FBXO31: variants seen among roughly 807,000 people sequenced by gnomAD.
FBXO31 encodes the protein F-box protein 31, also known as F-box only protein 31.
FBXO31 carries 24 observed loss-of-function variants against 54.4 expected under a neutral mutation model. The observed-to-expected ratio is 0.44, with a 90% CI of 0.32 to 0.62. FBXO31 has a LOEUF of 0.62. FBXO31 is among the 20% of genes least tolerant of loss of function. The pLI is 0.05. For missense variants in FBXO31, 665 were observed against 787.1 expected (o/e 0.84, Z 1.86); for synonymous variants, 388 against 335.6 (o/e 1.16, Z -1.71).
chr16:87,383,722 C>G lies in FBXO31; in HGVS notation c.23G>C (p.Cys8Ser). The G allele has an allele frequency of 8.0e-7, 1 of 1,249,166 alleles. No individual in the cohort carries two copies. Among genetic ancestry groups the G allele is most frequent in the Non-Finnish European group, 1.0e-6 (1 of 1,002,420 alleles). 77.4% of individuals were successfully genotyped at this position (1,249,166 alleles called of 1,614,324 possible). Residue 8 changes from cysteine to serine, a missense_variant, in exon 1 of 9, where the codon TGC becomes TCC. Transcript: ENST00000311635. This position sits in a 1 kb window ranked among gnomAD's most constrained non-coding sequence, Gnocchi z 4.9. MAVCARL[C>S]GVGPSRGCRR... Reference sequence around the variant, plus strand: ...ACATCCGCGCGACGGGCCCACGCCGCAAAGGCGAGCACACACCGCCATGCC... The same window carrying G: ...ACATCCGCGCGACGGGCCCACGCCGGAAAGGCGAGCACACACCGCCATGCC...
chr16:87,362,829 T>A (rs1204315242), intron 1 of FBXO31, among the ~76,000 whole-genome samples: 2 of 152,212 alleles, frequency 1.3e-5, no homozygotes, highest in African/African-American at 4.8e-5. Flanking sequence ...AGTGCTGGGA[T>A]TACAGGCGTG....
intron 1 of FBXO31, among the ~76,000 whole-genome samples, chr16:87,360,961 A>C (rs1455323594): frequency 1.3e-5 from 2 of 152,026 alleles, no homozygotes; most frequent in African/African-American, 4.8e-5. Context: ...TGCTGACAGC[A>C]CCTTCCTCTT....
chr16:87,332,408 T>G (rs1904890240), intron 8 of FBXO31, among the ~76,000 whole-genome samples: 1 of 152,242 alleles, frequency 6.6e-6, no homozygotes, highest in Admixed American at 6.5e-5. Context: ...GGTCAGTGGC[T>G]GCAGCACGTG....
upstream of FBXO31, among the ~76,000 whole-genome samples, chr16:87,384,895 CTGGGCGCGGTGGCTCACGT>C (rs542654907): frequency 0.011 from 1,653 of 152,278 alleles, 28 homozygotes; most frequent in African/African-American, 0.036. Context: ...CCACAAATGG[CTGGGCGCGGTGGCTCACGT>C]CTGTAATCCC....
At chr16:87,388,218 C>G (rs1907393297), upstream of FBXO31, among the ~76,000 whole-genome samples, 2 of 152,240 alleles carry the variant, frequency 1.3e-5, no homozygotes, top group Admixed American at 1.3e-4. Context: ...TGAAGCTGAA[C>G]AGGCCAGACT....
intron 5 of FBXO31, 102 bp downstream of exon 5, chr16:87,342,775 G>C: frequency 1.1e-6 from 1 of 929,380 alleles, no homozygotes; most frequent in Non-Finnish European, 1.6e-6. Flanking sequence ...CCACCATGCA[G>C]GTCGCATGCT....
intron 8 of FBXO31, 141 bp from the exon 9 acceptor site, chr16:87,331,651 G>A (rs1375156996): frequency 2.3e-5 from 17 of 733,792 alleles, no homozygotes; most frequent in Non-Finnish European, 2.0e-5. Flanking sequence ...CCCAGAGCCA[G>A]CCTGTCTCTG....
intron 1 of FBXO31, among the ~76,000 whole-genome samples, chr16:87,370,587 A>C (rs765126434): frequency 2.0e-5 from 3 of 152,120 alleles, no homozygotes; most frequent in Non-Finnish European, 2.9e-5. Context: ...GGTGGGGATG[A>C]CTGAGGAGGC....
chr16:87,356,642 G>A (rs1359994880), intron 2 of FBXO31, among the ~76,000 whole-genome samples: 2 of 152,212 alleles, frequency 1.3e-5, no homozygotes, highest in Admixed American at 1.3e-4. Flanking sequence ...GGTCCCCTCA[G>A]TAAAGCGGGA....
chr16:87,365,039 A>ATATATATATC (rs1295264152), intron 1 of FBXO31, among the ~76,000 whole-genome samples: 8 of 113,076 alleles, frequency 7.1e-5, no homozygotes, highest in African/African-American at 2.7e-4. Flanking sequence ...ATATATATAT[A>ATATATATATC]TCAGGCAGGC....
Position 87,383,747 on chromosome 16 carries a change from C to G in FBXO31, c.-3G>C, listed in dbSNP as rs1355753110. On this transcript the variant is annotated 5_prime_UTR_variant, in exon 1 of 9. Coordinates refer to ENST00000311635, the MANE Select transcript of FBXO31 (RefSeq NM_024735.5). This position sits in a 1 kb window ranked among gnomAD's most constrained non-coding sequence, Gnocchi z 4.9. ...CAAAGGCGAGCACACACCGCCATGC[C>G]GCCCAGTGACGGCCACTGCTGCCGC... 2.5e-5 allele frequency: 30 copies of G among 1,204,538 alleles called. No homozygotes were observed. Among genetic ancestry groups the G allele is most frequent in the South Asian group, 3.8e-5 (1 of 25,998 alleles). The allele number at this position is 1,204,538 out of a possible 1,614,324, so 74.6% of individuals were successfully genotyped here.
intron 1 of FBXO31, among the ~76,000 whole-genome samples, chr16:87,372,682 AC>A (rs1260340071): frequency 6.6e-6 from 1 of 150,830 alleles, no homozygotes; most frequent in Non-Finnish European, 1.5e-5. Context: ...CACTTCAGCC[AC>A]CTGAGTAGCT....
chr16:87,366,240 T>A (rs905817821), intron 1 of FBXO31, among the ~76,000 whole-genome samples: 6 of 152,182 alleles, frequency 3.9e-5, no homozygotes, highest in African/African-American at 1.4e-4. Flanking sequence ...ATTATTGGTT[T>A]GTTAACTGTG....
intron 2 of FBXO31, among the ~76,000 whole-genome samples, chr16:87,359,479 T>A (rs1237503822): frequency 6.6e-6 from 1 of 152,238 alleles, no homozygotes; most frequent in African/African-American, 2.4e-5. Context: ...GGGACATGAC[T>A]TTTGGTGCTG....
At chr16:87,349,512 C>G (rs949212665) in intron 2 of FBXO31, among the ~76,000 whole-genome samples, 1 of 152,138 alleles carries the variant, frequency 6.6e-6, no homozygotes, top group Non-Finnish European at 1.5e-5. Context: ...GAGTTCGAGA[C>G]CAGCCTGGCC....
At chr16:87,333,516 G>A (rs1904935680) in intron 8 of FBXO31, among the ~76,000 whole-genome samples, 1 of 152,262 alleles carries the variant, frequency 6.6e-6, no homozygotes, top group South Asian at 2.1e-4. Flanking sequence ...TACTTTCAAA[G>A]CTGCTGGACA....
chr16:87,331,101 T>C lies in FBXO31; in HGVS notation c.*187A>G. On this transcript the variant is annotated 3_prime_UTR_variant, in exon 9 of 9. Coordinates refer to ENST00000311635, the MANE Select transcript of FBXO31 (RefSeq NM_024735.5). ...TGCTCAGCTTCTTCCATCATGGCAC[T>C]GACAAATATGCAGGTCTATGTCACA... 1.7e-6 allele frequency: 1 copy of C among 594,532 alleles called. No homozygotes were observed. The highest frequency in any genetic ancestry group is 3.0e-6 in the Non-Finnish European group (1 of 335,316). The allele number at this position is 594,532 out of a possible 1,614,324, so 36.8% of individuals were successfully genotyped here. A position where few individuals can be genotyped will look rare whatever the true frequency, so the allele number is the denominator to read the frequency against.
At chr16:87,362,208 A>G (rs983633964) in intron 1 of FBXO31, among the ~76,000 whole-genome samples, 2 of 152,124 alleles carry the variant, frequency 1.3e-5, no homozygotes, top group Non-Finnish European at 2.9e-5. Context: ...GCCACATCAA[A>G]AAGGGTACAA....
chr16:87,373,538 CTTTT>C lies in FBXO31; in HGVS notation c.340+9863_340+9866del, dbSNP rs34487839. Among the ~76,000 whole-genome samples, 13 of 146,814 alleles carry C rather than the reference CTTTT, an allele frequency of 8.9e-5. No homozygotes were observed. The East Asian group carries it at 1.0e-3, about 11-fold the overall frequency. On this transcript the variant is annotated intron_variant, in intron 1 of 8. Transcript: ENST00000311635. ...ACATACATACCTGAAGCCAACTTTTCTTTTTTTTTTTGACAGGGTCTCACTTTGT... is the reference window on the plus strand; with the variant it reads ...ACATACATACCTGAAGCCAACTTTTCTTTTTTTGACAGGGTCTCACTTTGT...
Sources: gnomAD v4.1 joint callset for allele counts (sites outside exome capture counted in the v4.1 genomes callset) on GRCh38, gnomAD v4.1.1 for gene constraint, Gnocchi (gnomAD v3.1) non-coding constraint, MANE v1.5 for transcripts, NCBI Gene and HGNC (gene_info 2026-07-23, HGNC 2026-07-21) for gene names.